PUDP: variants seen among roughly 807,000 people sequenced by gnomAD.
PUDP encodes pseudouridine 5'-phosphatase, also known as pseudouridine-5'-phosphatase.
In PUDP, 8 loss-of-function variants were observed where a neutral mutation model predicts 9.4. That is an observed-to-expected ratio of 0.85 (90% CI 0.50 to 1.53). PUDP has a LOEUF of 1.53. Among genes scored for constraint, PUDP ranks in the 40% most tolerant of loss-of-function variants. PUDP has a pLI of 0.00. For synonymous variants in PUDP, 99 were observed against 80.7 expected (o/e 1.23, Z -1.22); for missense variants, 188 against 189.7 (o/e 0.99, Z 0.05).
At chrX:6,714,993 ATGTGTGTGTG>A (rs775165133) in intron 1 of PUDP, among the ~76,000 whole-genome samples, 1 of 104,891 alleles carries the variant, frequency 9.5e-6, no homozygotes, top group Non-Finnish European at 2.0e-5. Flanking sequence ...ATATATATAT[ATGTGTGTGTG>A]TGTGTGTGTG....
chrX:7,078,692 T>C (rs965124187), intron 2 of PUDP, among the ~76,000 whole-genome samples: 1 of 112,168 alleles, frequency 8.9e-6, no homozygotes, highest in Admixed American at 9.5e-5. Flanking sequence ...ATCAACAGAC[T>C]CATTTTTTCC....
chrX:7,045,522 C>T (rs372350636), downstream of PUDP, among the ~76,000 whole-genome samples: 1 of 112,080 alleles, frequency 8.9e-6, no homozygotes, highest in East Asian at 2.8e-4. Flanking sequence ...GCTCCCCAGT[C>T]GTCCCCTTGT....
rs746938283 is a variant in PUDP at position 7,077,212 on chromosome X, C to T, written c.510+8G>A. The T allele has an allele frequency of 4.2e-6, 5 of 1,181,483 alleles. No homozygotes were observed. Among genetic ancestry groups the T allele is most frequent in the Non-Finnish European group, 5.7e-6 (5 of 880,927 alleles). On this transcript the variant is annotated splice_region_variant and intron_variant, in intron 3 of 3. Transcript: ENST00000381077. Reference sequence around the variant, plus strand: ...GGAACACGGCCCGTGTCACCGGCACCCACTTACCTTCTCCATAGCAGGAGG... The same window carrying T: ...GGAACACGGCCCGTGTCACCGGCACTCACTTACCTTCTCCATAGCAGGAGG...
At chrX:6,816,781 G>GTATATACTATATAGTATATACAA (rs1304243009) in intron 3 of PUDP, among the ~76,000 whole-genome samples, 41 of 89,009 alleles carry the variant, frequency 4.6e-4, no homozygotes, top group Non-Finnish European at 8.0e-4. Flanking sequence ...TACACATACA[G>GTATATACTATATAGTATATACAA]TATATACTAT....
chrX:7,006,148 C>T, intron 1 of PUDP, among the ~76,000 whole-genome samples: 1 of 111,944 alleles, frequency 8.9e-6, no homozygotes. Context: ...CGTTGAGGTA[C>T]CAATATCTGT....
intron 3 of PUDP, among the ~76,000 whole-genome samples, chrX:6,799,675 T>C (rs1925899216): frequency 9.0e-6 from 1 of 111,097 alleles, no homozygotes. Flanking sequence ...CAGTCTCTAC[T>C]AAAAATACAA....
chrX:6,996,368 T>C (rs1929249906), intron 1 of PUDP, among the ~76,000 whole-genome samples: 1 of 110,753 alleles, frequency 9.0e-6, no homozygotes, highest in South Asian at 3.8e-4. Context: ...CTCAGGTAAC[T>C]GCTTGTCTGA....
At chrX:6,740,363 C>T (rs1287649905) in intron 3 of PUDP, among the ~76,000 whole-genome samples, 2 of 111,758 alleles carry the variant, frequency 1.8e-5, no homozygotes, top group Admixed American at 9.5e-5. Context: ...CTTCTTTGTA[C>T]ACATGGTTGG....
intron 1 of PUDP, among the ~76,000 whole-genome samples, chrX:7,131,167 C>CA (rs1280077007): frequency 9.0e-6 from 1 of 111,614 alleles, no homozygotes. Context: ...ATTTCGACTT[C>CA]AGGACAAGTC....
chrX:6,751,107 A>G (rs1450825813), intron 3 of PUDP, among the ~76,000 whole-genome samples: 5 of 109,146 alleles, frequency 4.6e-5, no homozygotes. Flanking sequence ...GTGCCACTGC[A>G]CTCCAGCCTG....
chrX:7,112,749 C>T (rs1372695312), intron 1 of PUDP, among the ~76,000 whole-genome samples: 2 of 111,467 alleles, frequency 1.8e-5, no homozygotes, highest in African/African-American at 6.5e-5. Flanking sequence ...GCAGCCCTGA[C>T]CCCCCGGGCT....
At chrX:6,819,371 A>G (rs1926301141) in intron 3 of PUDP, among the ~76,000 whole-genome samples, 2 of 112,394 alleles carry the variant, frequency 1.8e-5, no homozygotes, top group Admixed American at 1.9e-4. Context: ...TTTTAGATGT[A>G]CTATTCATTC....
intron 3 of PUDP, among the ~76,000 whole-genome samples, chrX:6,862,976 AAATTC>A (rs1288690148): frequency 1.8e-5 from 2 of 112,171 alleles, no homozygotes; most frequent in South Asian, 7.5e-4. Flanking sequence ...AGGCGAAGCT[AAATTC>A]AATAACGTAC....
intron 3 of PUDP, among the ~76,000 whole-genome samples, chrX:6,752,794 T>C (rs1925117758): frequency 8.9e-6 from 1 of 111,738 alleles, no homozygotes; most frequent in African/African-American, 3.3e-5. Flanking sequence ...AAAGATATTA[T>C]TAAGCAATCA....
At chrX:6,770,022 C>A (rs988728766) in intron 3 of PUDP, among the ~76,000 whole-genome samples, 1 of 112,065 alleles carries the variant, frequency 8.9e-6, no homozygotes, top group Non-Finnish European at 1.9e-5. Flanking sequence ...TTAAATGAAC[C>A]CCTTCCCACA....
intron 3 of PUDP, among the ~76,000 whole-genome samples, chrX:6,816,545 T>C (rs1926239123): frequency 9.8e-6 from 1 of 102,271 alleles, no homozygotes; most frequent in East Asian, 3.1e-4. Context: ...ATACTATGTG[T>C]ATATAGTATG....
intron 3 of PUDP, among the ~76,000 whole-genome samples, chrX:6,888,649 C>A (rs1569117608): frequency 2.7e-5 from 3 of 110,407 alleles, no homozygotes; most frequent in African/African-American, 6.6e-5. Flanking sequence ...GACTCCATCT[C>A]AAAACAAAAA....
At chrX:6,889,862 G>A (rs1927487219) in intron 3 of PUDP, among the ~76,000 whole-genome samples, 2 of 111,256 alleles carry the variant, frequency 1.8e-5, no homozygotes, top group Admixed American at 9.6e-5. Context: ...ATAAGGGCAG[G>A]AGTCATCCTC....
chrX:6,764,642 C>T (rs1925263129), intron 3 of PUDP, among the ~76,000 whole-genome samples: 1 of 111,467 alleles, frequency 9.0e-6, no homozygotes, highest in Non-Finnish European at 1.9e-5. Context: ...TAGTACGATA[C>T]GATGAATGTG....
Sources: allele counts gnomAD v4.1 joint callset (sites outside exome capture counted in the v4.1 genomes callset), GRCh38; gene constraint gnomAD v4.1.1; transcripts MANE v1.5; gene names NCBI Gene and HGNC (gene_info 2026-07-23, HGNC 2026-07-21).